NECTIN3: variants seen among roughly 807,000 people sequenced by gnomAD.
NECTIN3 encodes nectin cell adhesion molecule 3, also known as nectin-3.
In NECTIN3, 8 loss-of-function variants were observed where a neutral mutation model predicts 49.4. The observed-to-expected ratio is 0.16, with a 90% confidence interval of 0.10 to 0.29. The LOEUF is 0.29. Among genes scored for constraint, NECTIN3 ranks in the 10% least tolerant of loss-of-function variants. The pLI is 1.00. For missense variants in NECTIN3, 581 were observed against 654.6 expected, an observed-to-expected ratio of 0.89 and a Z score of 1.23; for synonymous variants, 277 against 241.1, an observed-to-expected ratio of 1.15 and a Z score of -1.38.
At chr3:111,116,623 A>G (rs2033699768) in intron 2 of NECTIN3, among the ~76,000 whole-genome samples, 1 of 152,118 alleles carries the variant, frequency 6.6e-6, no homozygotes, top group African/African-American at 2.4e-5. Context: ...TATAATCACA[A>G]ATGACTGTTT....
At chr3:111,164,638 T>C (rs2035282435) in intron 7 of NECTIN3, among the ~76,000 whole-genome samples, 1 of 152,208 alleles carries the variant, frequency 6.6e-6, no homozygotes, top group South Asian at 2.1e-4. Context: ...CTAGCTTCCG[T>C]TGGTTGCTGG....
chr3:111,110,107 T>C (rs1022871819), intron 1 of NECTIN3, among the ~76,000 whole-genome samples: 13 of 152,058 alleles, frequency 8.5e-5, no homozygotes, highest in Admixed American at 7.2e-4. Flanking sequence ...AGCCCTTCAT[T>C]TCATCTTCTT....
At chr3:111,121,304 C>T (rs910500992) in intron 3 of NECTIN3, among the ~76,000 whole-genome samples, 5 of 151,968 alleles carry the variant, frequency 3.3e-5, no homozygotes, top group African/African-American at 7.3e-5. Flanking sequence ...TGAGCCCCCG[C>T]GCTGGGCCAA....
chr3:111,106,857 T>C (rs1033611464), intron 1 of NECTIN3, among the ~76,000 whole-genome samples: 1 of 152,108 alleles, frequency 6.6e-6, no homozygotes. Context: ...TGCATACCCA[T>C]TGTGTAGATC....
intron 1 of NECTIN3, among the ~76,000 whole-genome samples, chr3:111,093,811 A>G (rs2032419089): frequency 6.6e-6 from 1 of 152,160 alleles, no homozygotes; most frequent in African/African-American, 2.4e-5. Context: ...GTTTATACAT[A>G]TTAATTTGTG....
rs751275157 is a variant in NECTIN3 at position 111,072,426 on chromosome 3, G to T, written c.160+249G>T. ...CGCGCGGGTCGCCGTGCGGATGGCCGAGGGTTGGCGATGGTGCTTCGTGCG... is the reference window on the plus strand; with the variant it reads ...CGCGCGGGTCGCCGTGCGGATGGCCTAGGGTTGGCGATGGTGCTTCGTGCG... On this transcript the variant is annotated intron_variant, in intron 1 of 5. Transcript: ENST00000485303. 1.4e-5 allele frequency: 21 copies of T among 1,531,068 alleles called. No individual in the cohort carries two copies. In the East Asian group the frequency reaches 3.2e-4, roughly 23 times the overall value. The allele number at this position is 1,531,068 out of a possible 1,614,324, so 94.8% of individuals were successfully genotyped here.
At chr3:111,128,771 C>G (rs2034269417) in intron 5 of NECTIN3, among the ~76,000 whole-genome samples, 1 of 152,202 alleles carries the variant, frequency 6.6e-6, no homozygotes, top group South Asian at 2.1e-4. Context: ...TCTACTACTA[C>G]TACACTAGTC....
At chr3:111,092,630 AC>A (rs2032335193) in intron 1 of NECTIN3, among the ~76,000 whole-genome samples, 1 of 151,752 alleles carries the variant, frequency 6.6e-6, no homozygotes, top group Non-Finnish European at 1.5e-5. Context: ...TGGACTCAGT[AC>A]TGTTCTGTTG....
intron 5 of NECTIN3, 90 bp from the exon 6 acceptor site, chr3:111,133,545 C>G: frequency 2.1e-6 from 3 of 1,462,974 alleles, no homozygotes; most frequent in Non-Finnish European, 2.7e-6. Context: ...TATTCATTAA[C>G]TGTGCTGTCT....
In NECTIN3 at chr3:111,133,840, A is replaced by G. The variant is rs553444995; in HGVS notation, c.1275A>G (p.Ile425Met). The G allele has an allele frequency of 1.2e-6, 2 of 1,614,000 alleles. No homozygotes were observed. The highest frequency in any genetic ancestry group is 2.7e-5 in the African/African-American group (2 of 75,038). ...FIVLVSVLAG[I>M]FCYRRRRTFR... Reference sequence around the variant, plus strand: ...TACTTGTAAGTGTTTTGGCTGGAATATTCTGCTATAGGAGAAGACGGACGT... The same window carrying G: ...TACTTGTAAGTGTTTTGGCTGGAATGTTCTGCTATAGGAGAAGACGGACGT... Residue 425 changes from isoleucine to methionine, a missense_variant, in exon 6 of 6, where the codon ATA (isoleucine) becomes ATG (methionine). Coordinates refer to ENST00000485303, the MANE Select transcript of NECTIN3 (RefSeq NM_015480.3).
intron 7 of NECTIN3, among the ~76,000 whole-genome samples, chr3:111,174,082 C>G (rs2035481687): frequency 6.6e-6 from 1 of 152,156 alleles, no homozygotes; most frequent in Non-Finnish European, 1.5e-5. Flanking sequence ...TGATCTGACT[C>G]CACCATACCT....
intron 7 of NECTIN3, among the ~76,000 whole-genome samples, chr3:111,153,745 T>G (rs2035042996): frequency 6.6e-6 from 1 of 152,130 alleles, no homozygotes; most frequent in African/African-American, 2.4e-5. Context: ...TATTATAAGC[T>G]TAGTAGTGCT....
intron 1 of NECTIN3, chr3:111,075,170 A>T (rs1051415186): frequency 2.6e-5 from 4 of 152,162 alleles, no homozygotes; most frequent in African/African-American, 9.7e-5. Context: ...CCTAAAGGAA[A>T]CATGATTGTA....
intron 7 of NECTIN3, among the ~76,000 whole-genome samples, chr3:111,153,597 A>G (rs2035040487): frequency 6.6e-6 from 1 of 152,030 alleles, no homozygotes; most frequent in African/African-American, 2.4e-5. Flanking sequence ...TGTTATTGTT[A>G]TTTAAAAAGC....
Position 111,135,580 on chromosome 3 carries a change from AT to A in NECTIN3, c.*1368del. ...AGGATAGTTTTTCTATTGCTAAGTC[AT>A]TTGAAAAAGTGACCATTTTGCCAGT... On this transcript the variant is annotated 3_prime_UTR_variant, in exon 6 of 6. Transcript: ENST00000485303. 1 of 973,884 alleles carries A rather than the reference AT, an allele frequency of 1.0e-6. No individual in the cohort carries two copies. The highest frequency in any genetic ancestry group is 1.2e-6 in the Non-Finnish European group (1 of 819,520). The allele number at this position is 973,884 out of a possible 1,614,324, so 60.3% of individuals were successfully genotyped here.
At chr3:111,074,429 A>G (rs759215178) in intron 1 of NECTIN3, among the ~76,000 whole-genome samples, 1 of 152,114 alleles carries the variant, frequency 6.6e-6, no homozygotes, top group Non-Finnish European at 1.5e-5. Flanking sequence ...TGATTTGTTG[A>G]TGAGAATGCT....
chr3:111,162,753 A>T (rs1390160968), intron 7 of NECTIN3, among the ~76,000 whole-genome samples: 1 of 152,080 alleles, frequency 6.6e-6, no homozygotes, highest in Admixed American at 6.6e-5. Context: ...TATTTTCCTG[A>T]TCTTCCTTTA....
chr3:111,119,987 A>G (rs1282341623), intron 3 of NECTIN3, among the ~76,000 whole-genome samples: 2 of 152,134 alleles, frequency 1.3e-5, no homozygotes, highest in Non-Finnish European at 2.9e-5. Flanking sequence ...TTCAACCTTT[A>G]TAGGGTTAAC....
intron 1 of NECTIN3, among the ~76,000 whole-genome samples, chr3:111,082,839 G>A (rs1312268084): frequency 2.0e-5 from 3 of 152,172 alleles, no homozygotes; most frequent in Non-Finnish European, 4.4e-5. Flanking sequence ...TTGTTTTCCT[G>A]CAACTAGACA....
Sources: gnomAD v4.1 joint callset for allele counts (sites outside exome capture counted in the v4.1 genomes callset) on GRCh38, gnomAD v4.1.1 for gene constraint, MANE v1.5 for transcripts, NCBI Gene and HGNC (gene_info 2026-07-23, HGNC 2026-07-21) for gene names.